Variants in PROS1 observed in about 807,000 individuals in gnomAD.
The protein encoded by PROS1 is protein S.
PROS1 carries 29 observed loss-of-function variants against 75.9 expected under a neutral mutation model. That is an observed-to-expected ratio of 0.38 (90% CI 0.28 to 0.52). PROS1 has a LOEUF of 0.52. Among genes scored for constraint, PROS1 ranks in the 20% least tolerant of loss-of-function variants. The probability of loss-of-function intolerance (pLI) is 0.83; values close to 1 mark genes in which losing one functional copy is unlikely to be tolerated. For missense variants in PROS1, 680 were observed against 810.3 expected, an observed-to-expected ratio of 0.84 and a Z score of 1.95; for synonymous variants, 245 against 280.6, an observed-to-expected ratio of 0.87 and a Z score of 1.27.
intron 1 of PROS1, among the ~76,000 whole-genome samples, chr3:93,970,543 A>G (rs1709863330): frequency 6.6e-6 from 1 of 151,576 alleles, no homozygotes; most frequent in African/African-American, 2.4e-5. Context: ...GGGTCCCACT[A>G]TGCTGCCCAG....
At chr3:93,892,695 A>G (rs994415931) in intron 10 of PROS1, among the ~76,000 whole-genome samples, 107 of 152,158 alleles carry the variant, frequency 7.0e-4, no homozygotes, top group Admixed American at 3.9e-4. Flanking sequence ...CAACTAAAAA[A>G]GGTAAAAAGT....
At position 93,886,356 on chromosome 3, in the gene PROS1, C is replaced by T. The variant is rs1420381166; in HGVS notation, c.1303G>A (p.Glu435Lys). The change falls in exon 11 of 15, where the codon GAA (glutamate) becomes AAA (lysine). Residue 435 changes from glutamate to lysine, a missense_variant. By Grantham distance (56) the Glu-to-Lys change is moderately conservative (BLOSUM62 1). Transcript: ENST00000394236. ...VYFAGFPRKV[E>K]SELIKPINPR... ...ATTACCGGTTTAATGAGTTCACTTT[C>T]CACTTTCCGAGGGAATCCTGCAAAG... is the stretch of plus-strand genomic sequence containing the variant. The T allele has an allele frequency of 1.2e-6, 2 of 1,613,690 alleles. No individual in the cohort carries two copies. The highest frequency in any genetic ancestry group is 1.7e-6 in the Non-Finnish European group (2 of 1,179,742).
At chr3:93,913,190 C>T (rs1018325412) in intron 3 of PROS1, among the ~76,000 whole-genome samples, 8 of 152,090 alleles carry the variant, frequency 5.3e-5, no homozygotes, top group South Asian at 2.1e-4. Context: ...CTTCTGCATT[C>T]GTTCTCCTTC....
At chr3:93,952,289 C>T (rs949015566) in intron 1 of PROS1, among the ~76,000 whole-genome samples, 1 of 152,128 alleles carries the variant, frequency 6.6e-6, no homozygotes, top group African/African-American at 2.4e-5. Context: ...TTCTCAGCAC[C>T]ACATCACACT....
intron 12 of PROS1, among the ~76,000 whole-genome samples, chr3:93,881,374 G>A (rs1047958905): frequency 6.6e-6 from 1 of 151,998 alleles, no homozygotes; most frequent in Non-Finnish European, 1.5e-5. Context: ...TGGGAGGGTG[G>A]GAGGAGGGTA....
At chr3:93,961,117 T>C (rs1287940677) in intron 1 of PROS1, among the ~76,000 whole-genome samples, 1 of 152,110 alleles carries the variant, frequency 6.6e-6, no homozygotes, top group Non-Finnish European at 1.5e-5. Context: ...ACTTGAATAG[T>C]CTTTGGATAG....
chr3:93,914,975 T>G (rs1708819525), intron 3 of PROS1, among the ~76,000 whole-genome samples: 1 of 152,216 alleles, frequency 6.6e-6, no homozygotes, highest in Non-Finnish European at 1.5e-5. Context: ...AGCCCCTGGC[T>G]CCTTTCTATT....
chr3:93,966,579 C>G (rs573863131), intron 1 of PROS1, among the ~76,000 whole-genome samples: 114 of 152,236 alleles, frequency 7.5e-4, no homozygotes, highest in African/African-American at 2.7e-3. Flanking sequence ...TAGCAAACTG[C>G]AGCGGGCACA....
intron 10 of PROS1, among the ~76,000 whole-genome samples, chr3:93,888,607 C>T: frequency 6.6e-6 from 1 of 152,130 alleles, no homozygotes; most frequent in East Asian, 1.9e-4. Flanking sequence ...TAAAACCCCT[C>T]TTTATGCTGA....
At chr3:93,886,191 T>C in intron 11 of PROS1, 145 bp downstream of exon 11, 1 of 685,520 alleles carries the variant, frequency 1.5e-6, no homozygotes. Flanking sequence ...GTTACTAATG[T>C]TATTTTTCCA....
intron 1 of PROS1, among the ~76,000 whole-genome samples, chr3:93,948,460 C>A (rs1268821249): frequency 2.0e-5 from 3 of 152,098 alleles, no homozygotes; most frequent in Non-Finnish European, 2.9e-5. Flanking sequence ...TCCTGGATAT[C>A]CTTGTTAACT....
In PROS1 at chr3:93,879,258, A is replaced by G; in HGVS notation, c.1549T>C (p.Ser517Pro). Residue 517 changes from serine (S) to proline (P), a missense_variant, in exon 13 of 15, where the codon TCC becomes CCC. Transcript: ENST00000394236. ...HVNVTLNIRP[S>P]TGTGVMLALV... Reference sequence around the variant, plus strand: ...GCAAGCATAACACCAGTGCCCGTGGATGGACGAATATTCAAGGTCACATTT... The same window carrying G: ...GCAAGCATAACACCAGTGCCCGTGGGTGGACGAATATTCAAGGTCACATTT... 2 of 1,614,116 alleles carry G rather than the reference A, an allele frequency of 1.2e-6. No homozygotes were observed. Among genetic ancestry groups the G allele is most frequent in the South Asian group, 1.1e-5 (1 of 91,082 alleles).
At chr3:93,926,708 T>A (rs573973601) in intron 2 of PROS1, among the ~76,000 whole-genome samples, 10 of 152,356 alleles carry the variant, frequency 6.6e-5, no homozygotes, top group African/African-American at 2.2e-4. Context: ...CTAGCATGCA[T>A]GCGTGCGCGC....
At chr3:93,951,223 C>T (rs1232247913) in intron 1 of PROS1, among the ~76,000 whole-genome samples, 1 of 152,082 alleles carries the variant, frequency 6.6e-6, no homozygotes, top group Non-Finnish European at 1.5e-5. Flanking sequence ...GGCCAACATT[C>T]AAATTCAGGA....
At chr3:93,894,697 G>A (rs567535593) in intron 9 of PROS1, among the ~76,000 whole-genome samples, 18 of 152,148 alleles carry the variant, frequency 1.2e-4, no homozygotes, top group Non-Finnish European at 2.5e-4. Flanking sequence ...TGACATTTAC[G>A]GAGGGAAAGT....
intron 2 of PROS1, among the ~76,000 whole-genome samples, chr3:93,925,166 A>G (rs1477265959): frequency 6.6e-6 from 1 of 152,242 alleles, no homozygotes; most frequent in Non-Finnish European, 1.5e-5. Context: ...GCTAGTCCAC[A>G]AAAGCATTCT....
At chr3:93,921,784 T>C (rs1708945932) in intron 3 of PROS1, among the ~76,000 whole-genome samples, 1 of 152,230 alleles carries the variant, frequency 6.6e-6, no homozygotes, top group South Asian at 2.1e-4. Context: ...TTTTTGTTTT[T>C]CCTTGATTAT....
At chr3:93,926,648 A>G (rs1709021695) in intron 2 of PROS1, among the ~76,000 whole-genome samples, 2 of 152,210 alleles carry the variant, frequency 1.3e-5, no homozygotes, top group South Asian at 4.1e-4. Context: ...TAAAAATAAA[A>G]ATAAATGCCA....
chr3:93,942,879 G>C (rs544874985), intron 1 of PROS1, among the ~76,000 whole-genome samples: 2 of 152,244 alleles, frequency 1.3e-5, no homozygotes, highest in South Asian at 4.2e-4. Context: ...CAGGCTCAGG[G>C]ATTTGCCCCT....
Sources: allele counts gnomAD v4.1 joint callset (sites outside exome capture counted in the v4.1 genomes callset), GRCh38; gene constraint gnomAD v4.1.1; transcripts MANE v1.5; gene names NCBI Gene and HGNC (gene_info 2026-07-23, HGNC 2026-07-21).